The following ACTL6A variants were observed in gnomAD, a reference collection of about 807,000 sequenced individuals.
ACTL6A encodes the protein actin-like protein 6A.
A neutral mutation model predicts 59.2 loss-of-function variants in ACTL6A; 5 were observed. The ratio of observed to expected loss-of-function variants is 0.08; its 90% confidence interval spans 0.04 to 0.18. The LOEUF (loss-of-function observed/expected upper bound fraction) is 0.18. Ranked by LOEUF, ACTL6A falls within the 10% of genes least tolerant of loss-of-function variation. The pLI is 1.00. For synonymous variants in ACTL6A, 154 were observed against 171.8 expected (o/e 0.90, Z 0.81); for missense variants, 285 against 526.9 (o/e 0.54, Z 4.49).
chr3:179,587,711 A>G (rs1718548798), intron 13 of ACTL6A, among the ~76,000 whole-genome samples: 1 of 152,086 alleles, frequency 6.6e-6, no homozygotes, highest in African/African-American at 2.4e-5. Flanking sequence ...CCCCATCTCT[A>G]CAACAATTAA....
chr3:179,585,294 G>T (rs1485383771), intron 12 of ACTL6A, among the ~76,000 whole-genome samples: 1 of 152,106 alleles, frequency 6.6e-6, no homozygotes, highest in Non-Finnish European at 1.5e-5. Context: ...TAGAGATGCA[G>T]TTTCTCCGTG....
In ACTL6A at chr3:179,562,972, A is replaced by G; in HGVS notation, c.-121A>G. ...TGTGTGGACGCCGCTTTGTTGCCTGAGGTGGGTGGCGGTGGAAGTTAAGGG... is the reference window on the plus strand; with the variant it reads ...TGTGTGGACGCCGCTTTGTTGCCTGGGGTGGGTGGCGGTGGAAGTTAAGGG... On this transcript the variant is annotated 5_prime_UTR_variant, in exon 1 of 14. Coordinates refer to ENST00000429709, the MANE Select transcript of ACTL6A (RefSeq NM_004301.5). The G allele has an allele frequency of 7.5e-7, 1 of 1,336,410 alleles. No homozygotes were observed. Among genetic ancestry groups the G allele is most frequent in the Non-Finnish European group, 1.0e-6 (1 of 961,276 alleles). 82.8% of individuals were successfully genotyped at this position (1,336,410 alleles called of 1,614,324 possible). A position where few individuals can be genotyped will look rare whatever the true frequency, so the allele number is the denominator to read the frequency against.
chr3:179,582,238 G>A (rs1433750931), intron 11 of ACTL6A, among the ~76,000 whole-genome samples: 3 of 152,176 alleles, frequency 2.0e-5, no homozygotes, highest in Non-Finnish European at 2.9e-5. Flanking sequence ...AGTGATAACT[G>A]TTTTTAGTGA....
chr3:179,587,817 T>C, intron 13 of ACTL6A, 113 bp from the exon 14 acceptor site: 4 of 742,328 alleles, frequency 5.4e-6, no homozygotes. Flanking sequence ...ATCACGCCAT[T>C]GCACTCCAGC....
intron 1 of ACTL6A, among the ~76,000 whole-genome samples, chr3:179,567,244 T>G (rs1717864414): frequency 1.3e-5 from 2 of 152,140 alleles, no homozygotes; most frequent in Non-Finnish European, 2.9e-5. Context: ...CCAGCAGATG[T>G]AATCCCAGCT....
chr3:179,577,727 C>T (rs1231481393), intron 8 of ACTL6A, among the ~76,000 whole-genome samples: 1 of 151,928 alleles, frequency 6.6e-6, no homozygotes, highest in Non-Finnish European at 1.5e-5. Context: ...TGAGAACGTG[C>T]TGTATTTGGT....
intron 12 of ACTL6A, 142 bp from the exon 13 acceptor site, chr3:179,586,404 T>G (rs964640962): frequency 5.3e-6 from 3 of 569,754 alleles, no homozygotes; most frequent in Non-Finnish European, 8.4e-6. Flanking sequence ...ATGGGCCGAT[T>G]GCTTGAGTGC....
intron 1 of ACTL6A, among the ~76,000 whole-genome samples, chr3:179,567,778 C>A (rs972421578): frequency 1.3e-5 from 2 of 152,066 alleles, no homozygotes; most frequent in Admixed American, 6.5e-5. Flanking sequence ...ATAATTTGGA[C>A]CAGAGAATTT....
intron 8 of ACTL6A, among the ~76,000 whole-genome samples, chr3:179,577,666 G>A (rs748099481): frequency 6.6e-6 from 1 of 152,040 alleles, no homozygotes; most frequent in Non-Finnish European, 1.5e-5. Context: ...ACTGTCTGTT[G>A]TTCCCTTCTT....
intron 1 of ACTL6A, among the ~76,000 whole-genome samples, chr3:179,567,648 A>C (rs1717876013): frequency 6.6e-6 from 1 of 152,210 alleles, no homozygotes. Context: ...GGTTAATAAA[A>C]GTATTAAATT....
At chr3:179,580,529 C>T in intron 8 of ACTL6A, 111 bp from the exon 9 acceptor site, 1 of 737,916 alleles carries the variant, frequency 1.4e-6, no homozygotes, top group Non-Finnish European at 2.2e-6. Flanking sequence ...ATTTACCCAT[C>T]TAGAAACATG....
At chr3:179,564,995 C>T (rs1343644635) in intron 1 of ACTL6A, among the ~76,000 whole-genome samples, 3 of 151,838 alleles carry the variant, frequency 2.0e-5, no homozygotes, top group Non-Finnish European at 2.9e-5. Flanking sequence ...CCACTGCCCC[C>T]AGTCAGAATA....
intron 8 of ACTL6A, among the ~76,000 whole-genome samples, chr3:179,578,861 G>A (rs987208678): frequency 6.6e-6 from 1 of 152,062 alleles, no homozygotes; most frequent in African/African-American, 2.4e-5. Flanking sequence ...CATCTCCTGG[G>A]TTCAAGCAAT....
At chr3:179,577,489 C>A (rs570137660) in intron 8 of ACTL6A, among the ~76,000 whole-genome samples, 57 of 149,306 alleles carry the variant, frequency 3.8e-4, no homozygotes, top group African/African-American at 1.1e-3. Context: ...AAAAAAAAAA[C>A]AAAAAAAAAC....
At chr3:179,581,980 C>G (rs1392375555) in intron 11 of ACTL6A, among the ~76,000 whole-genome samples, 1 of 152,150 alleles carries the variant, frequency 6.6e-6, no homozygotes, top group East Asian at 1.9e-4. Flanking sequence ...AGCTTATCAC[C>G]CACATACTGC....
chr3:179,564,477 A>G (rs1359394966), intron 1 of ACTL6A, among the ~76,000 whole-genome samples: 1 of 152,176 alleles, frequency 6.6e-6, no homozygotes, highest in Non-Finnish European at 1.5e-5. Flanking sequence ...CCTAGGTTTT[A>G]AACATCCAGA....
intron 1 of ACTL6A, among the ~76,000 whole-genome samples, chr3:179,564,071 G>A (rs528864893): frequency 6.6e-6 from 1 of 152,190 alleles, no homozygotes; most frequent in Non-Finnish European, 1.5e-5. Context: ...AGCAGTGTCA[G>A]CATCACCTGC....
At chr3:179,584,030 T>G (rs1576858919) in intron 12 of ACTL6A, among the ~76,000 whole-genome samples, 1 of 152,210 alleles carries the variant, frequency 6.6e-6, no homozygotes, top group East Asian at 1.9e-4. Flanking sequence ...AAAGATGGAT[T>G]AGTTTCCTAG....
intron 1 of ACTL6A, among the ~76,000 whole-genome samples, chr3:179,568,174 CAAAA>C (rs770514808): frequency 1.8e-5 from 1 of 56,412 alleles, no homozygotes. Flanking sequence ...GACTCCGTGT[CAAAA>C]AAAAAAAAAA....
Sources: gnomAD v4.1 joint callset for allele counts (sites outside exome capture counted in the v4.1 genomes callset) on GRCh38, gnomAD v4.1.1 for gene constraint, MANE v1.5 for transcripts, NCBI Gene and HGNC (gene_info 2026-07-23, HGNC 2026-07-21) for gene names.